Variants in CLYBL observed in about 807,000 individuals in gnomAD.
CLYBL encodes citramalyl-CoA lyase.
CLYBL carries 31 observed loss-of-function variants against 38.9 expected under a neutral mutation model. That is an observed-to-expected ratio of 0.80 (90% CI 0.60 to 1.08). The LOEUF (loss-of-function observed/expected upper bound fraction) is 1.08, where lower values mean the gene tolerates loss of function less well. Ranked by LOEUF, CLYBL falls within the 50% of genes least tolerant of loss-of-function variation. The pLI is 0.00. For synonymous variants in CLYBL, 171 were observed against 158.6 expected, an observed-to-expected ratio of 1.08 and a Z score of -0.59; for missense variants, 434 against 411.6, an observed-to-expected ratio of 1.05 and a Z score of -0.47.
intron 2 of CLYBL, among the ~76,000 whole-genome samples, chr13:99,779,236 G>A (rs1265598826): frequency 6.6e-6 from 1 of 152,060 alleles, no homozygotes; most frequent in East Asian, 1.9e-4. Context: ...TCTGCCTCCT[G>A]TGTTCCAGCA....
chr13:99,760,527 G>A (rs532229709), intron 1 of CLYBL, among the ~76,000 whole-genome samples: 1 of 152,330 alleles, frequency 6.6e-6, no homozygotes, highest in South Asian at 2.1e-4. Flanking sequence ...ATCTGGGAAT[G>A]TCTGAATTTC....
chr13:99,667,483 G>A (rs1207418509), intron 1 of CLYBL, among the ~76,000 whole-genome samples: 2 of 148,020 alleles, frequency 1.4e-5, no homozygotes, highest in Non-Finnish European at 3.0e-5. Context: ...CTAGAAGAGT[G>A]GAGAGACCAC....
intron 1 of CLYBL, among the ~76,000 whole-genome samples, chr13:99,616,580 G>T (rs1398727770): frequency 6.6e-6 from 1 of 152,336 alleles, no homozygotes; most frequent in African/African-American, 2.4e-5. Flanking sequence ...AAGTGGCCAT[G>T]AACCTCTTCT....
intron 1 of CLYBL, among the ~76,000 whole-genome samples, chr13:99,719,118 C>A (rs2048358879): frequency 6.6e-6 from 1 of 151,060 alleles, no homozygotes; most frequent in Non-Finnish European, 1.5e-5. Flanking sequence ...TCCCAAAGTG[C>A]TGGGATTACA....
rs2051528885 is a variant in CLYBL, at chr13:99,858,953, T to C, written c.342T>C (p.Gly114=). ...KCVRVNSVSS[G]LAEEDLETLL... Reference sequence around the variant, plus strand: ...TGAGAGTCAACTCAGTTTCCAGTGGTCTGGCGGAAGAAGACCTAGAGACCC... The same window carrying C: ...TGAGAGTCAACTCAGTTTCCAGTGGCCTGGCGGAAGAAGACCTAGAGACCC... The change falls in exon 3 of 9, where the codon GGT becomes GGC. Residue 114 remains glycine (G), a synonymous_variant. Transcript: ENST00000339105. The C allele has an allele frequency of 6.2e-7, 1 of 1,614,008 alleles. No homozygotes were observed. The highest frequency in any genetic ancestry group is 1.3e-5 in the African/African-American group (1 of 74,940).
chr13:99,792,312 G>C (rs988236973), intron 2 of CLYBL, among the ~76,000 whole-genome samples: 2 of 152,148 alleles, frequency 1.3e-5, no homozygotes, highest in East Asian at 3.9e-4. Flanking sequence ...CCCCACCGTG[G>C]GAAACAGGAA....
rs60365803 is a variant in CLYBL at position 99,843,604 on chromosome 13, C to CTTTTTT, written c.250-15247_250-15242dup. On this transcript the variant is annotated intron_variant, in intron 2 of 8. Coordinates refer to ENST00000339105, the MANE Select transcript of CLYBL (RefSeq NM_206808.5). ...GGCAAACAGCTGGGGAAAAATTAATCTTTTTTTTTTTTTTTAAGACAGAGC... is the reference window on the plus strand; with the variant it reads ...GGCAAACAGCTGGGGAAAAATTAATCTTTTTTTTTTTTTTTTTTTTTAAGACAGAGC... Among the ~76,000 whole-genome samples, 311 of 142,842 alleles carry CTTTTTT rather than the reference C, an allele frequency of 2.2e-3. 3 individuals are homozygous for CTTTTTT. The highest frequency in any genetic ancestry group is 7.6e-3 in the African/African-American group (294 of 38,596). The allele number at this position is 142,842 out of a possible 152,430, so 93.7% of individuals were successfully genotyped here.
intron 2 of CLYBL, among the ~76,000 whole-genome samples, chr13:99,808,068 G>C (rs531028524): frequency 4.6e-5 from 7 of 151,834 alleles, no homozygotes; most frequent in Non-Finnish European, 7.4e-5. Flanking sequence ...CTTGGTTTTT[G>C]TTTTTGTTTT....
intron 2 of CLYBL, among the ~76,000 whole-genome samples, chr13:99,844,574 C>T (rs1318814899): frequency 1.3e-5 from 2 of 152,214 alleles, no homozygotes; most frequent in African/African-American, 2.4e-5. Context: ...ATAAAAAGGC[C>T]GGTGATTCTG....
intron 1 of CLYBL, among the ~76,000 whole-genome samples, chr13:99,691,587 A>T (rs2047903203): frequency 6.8e-6 from 1 of 147,828 alleles, no homozygotes; most frequent in Non-Finnish European, 1.5e-5. Context: ...ATTTTGACCT[A>T]AAAAAAAAAC....
At chr13:99,738,949 AAT>A (rs768520020) in intron 1 of CLYBL, among the ~76,000 whole-genome samples, 16 of 152,192 alleles carry the variant, frequency 1.1e-4, no homozygotes, top group Non-Finnish European at 1.8e-4. Context: ...AAGTGCAGGG[AAT>A]ACACATCAGT....
At chr13:99,771,020 CTT>C (rs546998940) in intron 1 of CLYBL, among the ~76,000 whole-genome samples, 9 of 120,220 alleles carry the variant, frequency 7.5e-5, no homozygotes, top group African/African-American at 3.3e-4. Flanking sequence ...ACGCGGGGCC[CTT>C]TTTTTTTTTT....
chr13:99,845,047 A>T (rs945286272), intron 2 of CLYBL, among the ~76,000 whole-genome samples: 4 of 152,190 alleles, frequency 2.6e-5, no homozygotes, highest in Non-Finnish European at 4.4e-5. Flanking sequence ...ATTGTGAAAG[A>T]GAACGTTAGT....
chr13:99,717,496 G>A (rs1389627548), intron 1 of CLYBL, among the ~76,000 whole-genome samples: 3 of 148,912 alleles, frequency 2.0e-5, no homozygotes, highest in Admixed American at 6.7e-5. Flanking sequence ...GTCTCGGTCT[G>A]TTGCCTAGGC....
downstream of CLYBL, chr13:99,894,966 G>A (rs555966246): frequency 3.3e-5 from 5 of 152,216 alleles, no homozygotes; most frequent in East Asian, 9.6e-4. Flanking sequence ...TAGTCCTCCC[G>A]GCCGCCCTCC....
intron 7 of CLYBL, chr13:99,877,692 T>A (rs923415809): frequency 2.0e-5 from 6 of 307,528 alleles, no homozygotes; most frequent in Non-Finnish European, 3.7e-5. Flanking sequence ...TTCTCCTGCC[T>A]CAGCCTCCTG....
At chr13:99,878,257 T>G (rs2052102659) in intron 7 of CLYBL, among the ~76,000 whole-genome samples, 1 of 152,218 alleles carries the variant, frequency 6.6e-6, no homozygotes, top group South Asian at 2.1e-4. Context: ...CAATTGTGCT[T>G]TGAAAAAATG....
chr13:99,824,264 C>CG (rs1555313223), intron 2 of CLYBL, among the ~76,000 whole-genome samples: 2 of 130,408 alleles, frequency 1.5e-5, no homozygotes, highest in African/African-American at 5.6e-5. Flanking sequence ...ATAGCCCCCC[C>CG]CACCCACCCC....
chr13:99,627,009 A>G (rs1468081580), intron 1 of CLYBL, among the ~76,000 whole-genome samples: 2 of 150,970 alleles, frequency 1.3e-5, no homozygotes, highest in African/African-American at 4.9e-5. Context: ...CGGAGTTCAC[A>G]CTGGTTTTGT....
Sources: gnomAD v4.1 joint callset for allele counts (sites outside exome capture counted in the v4.1 genomes callset) on GRCh38, gnomAD v4.1.1 for gene constraint, MANE v1.5 for transcripts, NCBI Gene and HGNC (gene_info 2026-07-23, HGNC 2026-07-21) for gene names.